Variants in UBAP2L observed in about 807,000 individuals in gnomAD.
UBAP2L encodes the protein ubiquitin-associated protein 2-like.
UBAP2L carries 12 observed loss-of-function variants against 130.6 expected under a neutral mutation model. The observed-to-expected ratio is 0.09, with a 90% CI of 0.06 to 0.15. UBAP2L has a LOEUF of 0.15. Ranked by LOEUF, UBAP2L falls within the 10% of genes least tolerant of loss-of-function variation. UBAP2L has a pLI of 1.00. For missense variants in UBAP2L, 965 were observed against 1,332.5 expected (o/e 0.72, Z 4.29); for synonymous variants, 503 against 524.7 (o/e 0.96, Z 0.57).
At chr1:154,240,425 A>G (rs964313974) in intron 8 of UBAP2L, among the ~76,000 whole-genome samples, 3 of 152,190 alleles carry the variant, frequency 2.0e-5, no homozygotes, top group African/African-American at 4.8e-5. Context: ...CGTATTACCA[A>G]CAAACACAAG....
rs749584384 is a variant in UBAP2L, at chr1:154,270,766, TTTTG to T, written c.*475_*478del. ...GATGAATTAGTTGAAGTGGTTTTTT[TTTTG>T]TTTTTTTTTTTTTTTTGTACTGTGT... is the stretch of plus-strand genomic sequence containing the variant. On this transcript the variant is annotated 3_prime_UTR_variant, in exon 27 of 27. Coordinates refer to ENST00000428931, the MANE Select transcript of UBAP2L (RefSeq NM_014847.4). 0.058 allele frequency: 60,059 copies of T among 1,035,912 alleles called. 1,646 individuals are homozygous for T. The highest frequency in any genetic ancestry group is 0.082 in the African/African-American group (4,766 of 58,254). The allele number at this position is 1,035,912 out of a possible 1,614,324, so 64.2% of individuals were successfully genotyped here.
rs994125901 is a variant in UBAP2L at position 154,234,579 on chromosome 1, A to G, written c.280-12A>G. On this transcript the variant is annotated splice_polypyrimidine_tract_variant and intron_variant, in intron 4 of 26. Transcript: ENST00000428931. ...CATATTGATTAGATATGAATGCTCT[A>G]CCCTTCTATAGCATTCCTGGGAGAT... The G allele has an allele frequency of 2.5e-6, 4 of 1,613,668 alleles. No individual in the cohort carries two copies. In the African/African-American group the frequency reaches 5.3e-5, roughly 22 times the overall value.
At chr1:154,255,612 G>A in intron 17 of UBAP2L, 71 bp from the exon 18 acceptor site, 2 of 1,527,142 alleles carry the variant, frequency 1.3e-6, no homozygotes, top group East Asian at 2.3e-5. Context: ...TCCTTGTTAT[G>A]TTCTTGACTG....
upstream of UBAP2L, chr1:154,220,607 T>C (rs1007532695): frequency 8.2e-6 from 5 of 606,578 alleles, no homozygotes; most frequent in Non-Finnish European, 1.5e-5. Flanking sequence ...GCCTTCCAGC[T>C]TCCCCCTGAC....
At chr1:154,249,467 T>G in intron 12 of UBAP2L, 30 bp downstream of exon 12, 3 of 1,613,264 alleles carry the variant, frequency 1.9e-6, no homozygotes, top group East Asian at 2.2e-5. Context: ...CTTGAATCTT[T>G]AAAGCATTGG....
upstream of UBAP2L, chr1:154,220,589 A>G (rs113688023): frequency 1.6e-6 from 1 of 630,490 alleles, no homozygotes; most frequent in Non-Finnish European, 2.8e-6. Flanking sequence ...CTGGGAAAGG[A>G]GAACGACGCC....
intron 11 of UBAP2L, among the ~76,000 whole-genome samples, chr1:154,246,893 A>G (rs951119954): frequency 6.6e-6 from 1 of 152,174 alleles, no homozygotes; most frequent in Non-Finnish European, 1.5e-5. Flanking sequence ...AGTCCTTCCC[A>G]TCTTCCCAAA....
At chr1:154,241,047 C>CT (rs1295203605) in intron 8 of UBAP2L, among the ~76,000 whole-genome samples, 1 of 149,782 alleles carries the variant, frequency 6.7e-6, no homozygotes, top group East Asian at 2.0e-4. Context: ...AGAGTGTTTC[C>CT]TTACCTTTGA....
At chr1:154,225,390 G>C (rs1667579398) in intron 2 of UBAP2L, among the ~76,000 whole-genome samples, 177 bp downstream of exon 2, 1 of 151,986 alleles carries the variant, frequency 6.6e-6, no homozygotes, top group Non-Finnish European at 1.5e-5. Flanking sequence ...ATGCTGTAAG[G>C]CAAGATGCTT....
intron 12 of UBAP2L, among the ~76,000 whole-genome samples, chr1:154,250,375 A>G (rs897755611): frequency 6.6e-6 from 1 of 151,894 alleles, no homozygotes; most frequent in Non-Finnish European, 1.5e-5. Context: ...CATCAACATT[A>G]TAATGAAATC....
intron 9 of UBAP2L, among the ~76,000 whole-genome samples, chr1:154,242,689 A>G: frequency 6.6e-6 from 1 of 152,240 alleles, no homozygotes; most frequent in East Asian, 1.9e-4. Flanking sequence ...AAAGTCAAAT[A>G]TTAAGGCAAA....
chr1:154,232,334 AAAGG>A (rs1219982404), intron 4 of UBAP2L, among the ~76,000 whole-genome samples: 9 of 151,796 alleles, frequency 5.9e-5, no homozygotes, highest in Admixed American at 1.3e-4. Flanking sequence ...AAAAAAAAAA[AAAGG>A]AAAGAAATCT....
intron 11 of UBAP2L, among the ~76,000 whole-genome samples, chr1:154,248,092 T>TGA (rs983417880): frequency 2.0e-5 from 3 of 152,060 alleles, no homozygotes; most frequent in Admixed American, 6.6e-5. Context: ...CTCAGCCTCC[T>TGA]GAGTAGCTGG....
rs184600325 is a variant in UBAP2L at position 154,270,796 on chromosome 1, C to T, written c.*501C>T. 311 of 492,582 alleles carry T rather than the reference C, an allele frequency of 6.3e-4. 5 individuals are homozygous for T. The Admixed American group carries it at 0.02, about 32-fold the overall frequency. 30.5% of individuals were successfully genotyped at this position (492,582 alleles called of 1,614,324 possible). A position where few individuals can be genotyped will look rare whatever the true frequency, so the allele number is the denominator to read the frequency against. On this transcript the variant is annotated 3_prime_UTR_variant, in exon 27 of 27. Coordinates refer to ENST00000428931, the MANE Select transcript of UBAP2L (RefSeq NM_014847.4). ...TTTTTTTTTTTTTTTTGTACTGTGT[C>T]CTCAAATTTAATGGATTAATGTGTC...
At chr1:154,233,171 G>A (rs1670424571) in intron 4 of UBAP2L, among the ~76,000 whole-genome samples, 1 of 151,424 alleles carries the variant, frequency 6.6e-6, no homozygotes, top group African/African-American at 2.4e-5. Context: ...CTGCCACCAC[G>A]CCCAGCTAAT....
In UBAP2L at chr1:154,251,023, C is replaced by A; in HGVS notation, c.1214-18C>A. 6.3e-7 allele frequency: 1 copy of A among 1,594,596 alleles called. No individual in the cohort carries two copies. Among genetic ancestry groups the A allele is most frequent in the Non-Finnish European group, 8.6e-7 (1 of 1,167,376 alleles). On this transcript the variant is annotated intron_variant, in intron 12 of 26. Transcript: ENST00000428931. ...TCATTAGCATCTCTGGCTTCATATACTGGGTTTCCTCTTGCAGATTTGAAG... is the reference window on the plus strand; with the variant it reads ...TCATTAGCATCTCTGGCTTCATATAATGGGTTTCCTCTTGCAGATTTGAAG...
chr1:154,228,756 G>A, intron 4 of UBAP2L, 31 bp downstream of exon 4: 1 of 1,531,216 alleles, frequency 6.5e-7, no homozygotes, highest in Non-Finnish European at 8.9e-7. Flanking sequence ...TCTAGGACAT[G>A]GGTCCTCAAT....
chr1:154,249,306 A>G lies in UBAP2L; in HGVS notation c.1082A>G (p.Gln361Arg). The change falls in exon 12 of 27, where the codon CAG (glutamine) becomes CGG (arginine). Residue 361 changes from glutamine (Q) to arginine (R), a missense_variant. By Grantham distance (43) the Gln-to-Arg change is conservative. Coordinates refer to ENST00000428931, the MANE Select transcript of UBAP2L (RefSeq NM_014847.4). ...AAAGGCGGCAGTACTACAGGCTCCC[A>G]GTTCTTGGAGCAATTCAAGACTGCC... ...EAKGGSTTGS[Q>R]FLEQFKTAQA... is the part of the protein sequence containing the mutation. 6.2e-7 allele frequency: 1 copy of G among 1,614,178 alleles called. No homozygotes were observed. Among genetic ancestry groups the G allele is most frequent in the Non-Finnish European group, 8.5e-7 (1 of 1,180,040 alleles).
chr1:154,264,818 C>T (rs758173420), intron 24 of UBAP2L, among the ~76,000 whole-genome samples: 11 of 151,772 alleles, frequency 7.2e-5, no homozygotes, highest in Non-Finnish European at 1.5e-4. Context: ...TAAAAATGTT[C>T]TACTTATATC....
Sources: gnomAD v4.1 joint callset for allele counts (sites outside exome capture counted in the v4.1 genomes callset) on GRCh38, gnomAD v4.1.1 for gene constraint, MANE v1.5 for transcripts, NCBI Gene and HGNC (gene_info 2026-07-23, HGNC 2026-07-21) for gene names.